The following TPD52L1 variants were observed in gnomAD, a reference collection of about 807,000 sequenced individuals.
The protein encoded by TPD52L1 is tumor protein D53.
In TPD52L1, 18 loss-of-function variants were observed where a neutral mutation model predicts 28.7. That is an observed-to-expected ratio of 0.63 (90% confidence interval 0.43 to 0.93). The LOEUF (loss-of-function observed/expected upper bound fraction) is 0.93, where lower values mean the gene tolerates loss of function less well. Ranked by LOEUF, TPD52L1 falls within the 40% of genes least tolerant of loss-of-function variation. The pLI, the probability that TPD52L1 is intolerant of heterozygous loss-of-function variation, is 0.00. For synonymous variants in TPD52L1, 75 were observed against 88.8 expected, an observed-to-expected ratio of 0.84 and a Z score of 0.88; for missense variants, 203 against 254.8, an observed-to-expected ratio of 0.80 and a Z score of 1.39.
chr6:125,187,901 T>C (rs199974082), intron 1 of TPD52L1, among the ~76,000 whole-genome samples: 2 of 151,606 alleles, frequency 1.3e-5, no homozygotes, highest in East Asian at 3.9e-4. Context: ...TAAACTACCC[T>C]CTCAAACACT....
At chr6:125,174,629 CA>C (rs1159956234) in intron 1 of TPD52L1, among the ~76,000 whole-genome samples, 1 of 152,170 alleles carries the variant, frequency 6.6e-6, no homozygotes, top group Admixed American at 6.5e-5. Context: ...AGCAGATATA[CA>C]AAGCAATGTT....
At chr6:125,234,088 C>T (rs1056121695) in intron 3 of TPD52L1, among the ~76,000 whole-genome samples, 5 of 152,208 alleles carry the variant, frequency 3.3e-5, no homozygotes, top group Non-Finnish European at 7.3e-5. Flanking sequence ...CAACACCAAA[C>T]ATCTCTCAGT....
chr6:125,214,374 C>A, intron 1 of TPD52L1: 2 of 768,460 alleles, frequency 2.6e-6, no homozygotes, highest in Non-Finnish European at 3.2e-6. Flanking sequence ...GTGGGACATA[C>A]ACATCTCAGG....
intron 3 of TPD52L1, among the ~76,000 whole-genome samples, chr6:125,232,381 G>A (rs1042593815): frequency 3.9e-5 from 6 of 152,100 alleles, no homozygotes; most frequent in Non-Finnish European, 7.4e-5. Context: ...GTTTGGAGGA[G>A]CGATAAAATC....
At chr6:125,183,370 A>C (rs1026354052) in intron 1 of TPD52L1, among the ~76,000 whole-genome samples, 6 of 152,128 alleles carry the variant, frequency 3.9e-5, no homozygotes, top group Non-Finnish European at 7.4e-5. Context: ...ACCCAGCTAC[A>C]TGGGAGGCTG....
chr6:125,238,436 A>G (rs73579722), intron 3 of TPD52L1, among the ~76,000 whole-genome samples: 10,915 of 152,028 alleles, frequency 0.072, 422 homozygotes, highest in Middle Eastern at 0.1. Flanking sequence ...TGATTTCTGA[A>G]ATTTTGATGC....
intron 1 of TPD52L1, among the ~76,000 whole-genome samples, chr6:125,154,749 G>A (rs1790001878): frequency 1.3e-5 from 2 of 152,166 alleles, no homozygotes; most frequent in African/African-American, 4.8e-5. Context: ...GTGGAAAGGG[G>A]CAGAGGTGGG....
chr6:125,205,087 T>C (rs1794033204), intron 1 of TPD52L1, among the ~76,000 whole-genome samples: 1 of 152,202 alleles, frequency 6.6e-6, no homozygotes, highest in African/African-American at 2.4e-5. Context: ...AGCACAGAAT[T>C]TACCTTAAGG....
At chr6:125,233,022 A>G (rs1425315057) in intron 3 of TPD52L1, among the ~76,000 whole-genome samples, 1 of 152,126 alleles carries the variant, frequency 6.6e-6, no homozygotes, top group Non-Finnish European at 1.5e-5. Context: ...CAGAAGTAGA[A>G]TCAGGAAATA....
Position 125,243,898 on chromosome 6 carries a change from T to C in TPD52L1, c.285-4384T>C, listed in dbSNP as rs116345168. Among the ~76,000 whole-genome samples, 1,088 of 152,292 alleles carry C rather than the reference T, an allele frequency of 7.1e-3. 16 individuals are homozygous for C. The highest frequency in any genetic ancestry group is 0.025 in the African/African-American group (1,034 of 41,580). ...GTTTGTTTTATTACTAGAATTACTT[T>C]TCTGGTTTCTTCTCATTTGGGTAGA... is the stretch of plus-strand genomic sequence containing the variant. On this transcript the variant is annotated intron_variant, in intron 3 of 6. Transcript: ENST00000534000.
intron 1 of TPD52L1, among the ~76,000 whole-genome samples, chr6:125,194,635 T>C (rs1708601555): frequency 6.6e-6 from 1 of 152,194 alleles, no homozygotes; most frequent in African/African-American, 2.4e-5. Flanking sequence ...ATGCCCTCTC[T>C]ACCTCTGTCT....
At chr6:125,236,087 C>G (rs775547679) in intron 3 of TPD52L1, among the ~76,000 whole-genome samples, 30 of 152,156 alleles carry the variant, frequency 2.0e-4, no homozygotes, top group Non-Finnish European at 4.1e-4. Context: ...GGACTAGGCC[C>G]TAGACTTACC....
At chr6:125,172,099 CCTTTCTTT>C (rs549747240) in intron 1 of TPD52L1, among the ~76,000 whole-genome samples, 2,010 of 75,896 alleles carry the variant, frequency 0.026, 93 homozygotes, top group Non-Finnish European at 0.035. Context: ...TCTTTCTTTC[CCTTTCTTT>C]CTTTCTTTCT....
rs1052881286 is a variant in TPD52L1, at chr6:125,260,347, T to G, written c.487-2487T>G. ...AGGAAGATCAATGCTCTGCCAGAGG[T>G]CCACAAACTAAGCTGACCACTTTCT... On this transcript the variant is annotated intron_variant, in intron 6 of 6. Coordinates refer to ENST00000534000, the MANE Select transcript of TPD52L1 (RefSeq NM_003287.4). 2.0e-5 allele frequency: 3 copies of G among 152,198 alleles called. No individual in the cohort carries two copies. In the East Asian group the frequency reaches 5.8e-4, roughly 29 times the overall value. 9.4% of individuals were successfully genotyped at this position (152,198 alleles called of 1,614,324 possible). A position where few individuals can be genotyped will look rare whatever the true frequency, so the allele number is the denominator to read the frequency against.
intron 1 of TPD52L1, among the ~76,000 whole-genome samples, chr6:125,160,930 C>A (rs939731468): frequency 6.7e-6 from 1 of 149,986 alleles, no homozygotes; most frequent in Admixed American, 6.7e-5. Flanking sequence ...TGGCTCACTG[C>A]AACCTTCACC....
chr6:125,177,687 A>C, intron 1 of TPD52L1, among the ~76,000 whole-genome samples: 1 of 152,218 alleles, frequency 6.6e-6, no homozygotes, highest in South Asian at 2.1e-4. Flanking sequence ...ATTTTTAATT[A>C]AAAAGTTAAC....
chr6:125,203,133 G>T (rs533427132), intron 1 of TPD52L1, among the ~76,000 whole-genome samples: 2 of 152,214 alleles, frequency 1.3e-5, no homozygotes, highest in African/African-American at 4.8e-5. Flanking sequence ...ATGAGGGTGG[G>T]ATACAGAGAG....
intron 1 of TPD52L1, chr6:125,208,996 A>T: frequency 1.0e-6 from 1 of 966,308 alleles, no homozygotes; most frequent in Non-Finnish European, 1.2e-6. Context: ...CTGTCTTCAG[A>T]GTCTCAAAAT....
intron 1 of TPD52L1, among the ~76,000 whole-genome samples, chr6:125,172,148 CT>C (rs367798428): frequency 1.7e-5 from 1 of 59,196 alleles, no homozygotes; most frequent in Non-Finnish European, 3.1e-5. Flanking sequence ...TTCTTTCTTT[CT>C]TTCTTTCTTT....
Sources: gnomAD v4.1 joint callset for allele counts (sites outside exome capture counted in the v4.1 genomes callset) on GRCh38, gnomAD v4.1.1 for gene constraint, MANE v1.5 for transcripts, NCBI Gene and HGNC (gene_info 2026-07-23, HGNC 2026-07-21) for gene names.